NCAM2: variants seen among roughly 807,000 people sequenced by gnomAD.
NCAM2 encodes the protein neural cell adhesion molecule 2.
Under a neutral mutation model 98.1 loss-of-function variants are expected in NCAM2, and 30 were observed. That is an observed-to-expected ratio of 0.31 (90% CI 0.23 to 0.41). NCAM2 has a LOEUF of 0.41. Among genes scored for constraint, NCAM2 ranks in the 10% least tolerant of loss-of-function variants. NCAM2 has a pLI of 1.00. For synonymous variants in NCAM2, 368 were observed against 342.4 expected (o/e 1.07, Z -0.83); for missense variants, 867 against 1,005.8 (o/e 0.86, Z 1.87).
intron 5 of NCAM2, among the ~76,000 whole-genome samples, chr21:21,296,870 C>T (rs903851905): frequency 9.9e-5 from 15 of 151,422 alleles, no homozygotes; most frequent in African/African-American, 3.6e-4. Context: ...CAAAAATGAC[C>T]AATACAGTGT....
rs1990290993 is a variant in NCAM2 at position 21,542,969 on chromosome 21, T to C, written c.*5012T>C. 2.0e-5 allele frequency: 3 copies of C among 151,062 alleles called. No individual in the cohort carries two copies. In the South Asian group the frequency reaches 6.2e-4, roughly 31 times the overall value. 9.4% of individuals were successfully genotyped at this position (151,062 alleles called of 1,614,324 possible). ...ATATTCATGGTTTAGCATTTGCCTC[T>C]AAACCCTGTTAGAAATATGTGAAGT... On this transcript the variant is annotated 3_prime_UTR_variant, in exon 18 of 18. Transcript: ENST00000400546.
chr21:21,214,750 CTA>C (rs2069818770), intron 1 of NCAM2, among the ~76,000 whole-genome samples: 1 of 33,754 alleles, frequency 3.0e-5, no homozygotes, highest in African/African-American at 6.4e-5. Flanking sequence ...TATATATACA[CTA>C]TATATACACA....
chr21:21,427,066 G>A (rs1439472734), intron 11 of NCAM2, among the ~76,000 whole-genome samples: 1 of 152,158 alleles, frequency 6.6e-6, no homozygotes, highest in African/African-American at 2.4e-5. Context: ...CCTCATATGT[G>A]TAAAAAGAGC....
At chr21:21,319,344 A>ATTTT (rs2147770628) in intron 5 of NCAM2, among the ~76,000 whole-genome samples, 1 of 152,314 alleles carries the variant, frequency 6.6e-6, no homozygotes, top group East Asian at 1.9e-4. Flanking sequence ...ACTGTAATTA[A>ATTTT]TAAAAATAAC....
chr21:21,491,627 G>A (rs1004626351), intron 15 of NCAM2, among the ~76,000 whole-genome samples: 4 of 151,660 alleles, frequency 2.6e-5, no homozygotes, highest in Middle Eastern at 3.4e-3. Flanking sequence ...AGAGCAAAAT[G>A]TTACATTGCC....
chr21:21,242,399 A>C (rs147448175), intron 1 of NCAM2, among the ~76,000 whole-genome samples: 1 of 152,308 alleles, frequency 6.6e-6, no homozygotes, highest in African/African-American at 2.4e-5. Context: ...ATTCTTATTT[A>C]TCATAGTCAT....
chr21:21,453,345 C>G (rs1010758078), intron 12 of NCAM2, among the ~76,000 whole-genome samples: 3 of 151,460 alleles, frequency 2.0e-5, no homozygotes, highest in African/African-American at 4.8e-5. Context: ...CTAGGGAAGC[C>G]TAGCCTTGGC....
intron 17 of NCAM2, among the ~76,000 whole-genome samples, 155 bp from the exon 18 acceptor site, chr21:21,537,691 G>A (rs1990055453): frequency 6.6e-6 from 1 of 151,694 alleles, no homozygotes; most frequent in Non-Finnish European, 1.5e-5. Context: ...AATTATTGTA[G>A]CACGTTTTCT....
At chr21:21,292,027 A>C (rs1038377851) in intron 4 of NCAM2, 77 bp from the exon 5 acceptor site, 1 of 1,373,456 alleles carries the variant, frequency 7.3e-7, no homozygotes, top group Admixed American at 2.3e-5. Flanking sequence ...CCATATTTTA[A>C]CTCTTAACAA....
intron 10 of NCAM2, among the ~76,000 whole-genome samples, chr21:21,414,473 GTTTTT>G (rs35280147): frequency 7.3e-6 from 1 of 137,452 alleles, no homozygotes. Flanking sequence ...TTTGTTGTGT[GTTTTT>G]TTTTTTTTTT....
intron 1 of NCAM2, chr21:21,226,646 G>A (rs2070395804): frequency 1.3e-5 from 2 of 152,078 alleles, no homozygotes; most frequent in Admixed American, 6.6e-5. Context: ...TAGTCGACTT[G>A]CCTTGAACTG....
chr21:21,255,858 T>TCAGAATA (rs1418577090), intron 1 of NCAM2, among the ~76,000 whole-genome samples: 1 of 152,180 alleles, frequency 6.6e-6, no homozygotes, highest in African/African-American at 2.4e-5. Context: ...GGCTCTTTCC[T>TCAGAATA]CAGAATACAG....
At chr21:21,426,331 C>T (rs2145995400) in intron 11 of NCAM2, among the ~76,000 whole-genome samples, 2 of 152,236 alleles carry the variant, frequency 1.3e-5, no homozygotes, top group African/African-American at 4.8e-5. Flanking sequence ...ATTATGGTGA[C>T]ACTGCATGTA....
intron 1 of NCAM2, among the ~76,000 whole-genome samples, chr21:21,049,112 G>A (rs898068413): frequency 1.3e-4 from 17 of 132,222 alleles, no homozygotes; most frequent in South Asian, 5.0e-4. Flanking sequence ...TCCGCTTCCC[G>A]GGTTCACGCC....
chr21:21,010,150 A>G (rs1474934104), intron 1 of NCAM2, among the ~76,000 whole-genome samples: 1 of 151,960 alleles, frequency 6.6e-6, no homozygotes, highest in African/African-American at 2.4e-5. Context: ...TTTTACTTTT[A>G]TCTCCCTCCT....
chr21:21,511,199 C>T (rs1988355915), intron 16 of NCAM2, among the ~76,000 whole-genome samples: 1 of 151,784 alleles, frequency 6.6e-6, no homozygotes, highest in Non-Finnish European at 1.5e-5. Context: ...ATTGTGACAC[C>T]AAATACTGAA....
chr21:21,346,720 G>A (rs2075199689), intron 8 of NCAM2, among the ~76,000 whole-genome samples: 1 of 151,864 alleles, frequency 6.6e-6, no homozygotes, highest in African/African-American at 2.4e-5. Context: ...TAATAATGAG[G>A]ACTTTTTGAA....
rs184503645 is a variant in NCAM2 at position 21,071,795 on chromosome 21, G to A, written c.55+73177G>A. On this transcript the variant is annotated intron_variant, in intron 1 of 17. Transcript: ENST00000400546. ...AATGTTTAAATATCTGCGGAAAAAA[G>A]GGAAATGGAAAAAAGATTCAGTAAA... Among the ~76,000 whole-genome samples the A allele has an allele frequency of 2.6e-3, 394 of 152,134 alleles. 3 individuals carry two copies. Among genetic ancestry groups the A allele is most frequent in the African/African-American group, 9.1e-3 (377 of 41,512 alleles).
At chr21:21,133,476 T>G (rs770591099) in intron 1 of NCAM2, among the ~76,000 whole-genome samples, 1 of 152,196 alleles carries the variant, frequency 6.6e-6, no homozygotes, top group Non-Finnish European at 1.5e-5. Flanking sequence ...GTAAGTCACA[T>G]GCCCATATCT....
Sources: allele counts gnomAD v4.1 joint callset (sites outside exome capture counted in the v4.1 genomes callset), GRCh38; gene constraint gnomAD v4.1.1; transcripts MANE v1.5; gene names NCBI Gene and HGNC (gene_info 2026-07-23, HGNC 2026-07-21).